The following ARMC9 variants were observed in gnomAD, a reference collection of about 807,000 sequenced individuals.
ARMC9 encodes the protein armadillo repeat containing 9, also known as lisH domain-containing protein ARMC9.
A neutral mutation model predicts 107.0 loss-of-function variants in ARMC9; 94 were observed. The ratio of observed to expected loss-of-function variants is 0.88; its 90% confidence interval spans 0.74 to 1.04. The LOEUF (loss-of-function observed/expected upper bound fraction) is 1.04, where lower values mean the gene tolerates loss of function less well. Among genes scored for constraint, ARMC9 ranks in the 50% least tolerant of loss-of-function variants. ARMC9 has a pLI of 0.00. For missense variants in ARMC9, 942 were observed against 1,030.1 expected (o/e 0.91, Z 1.17); for synonymous variants, 380 against 396.9 (o/e 0.96, Z 0.51).
intron 8 of ARMC9, among the ~76,000 whole-genome samples, chr2:231,236,120 G>A (rs1035875902): frequency 2.0e-5 from 3 of 152,050 alleles, no homozygotes; most frequent in African/African-American, 7.2e-5. Flanking sequence ...AGGATAAATT[G>A]TCTGGCAACA....
intron 20 of ARMC9, among the ~76,000 whole-genome samples, chr2:231,342,343 A>T (rs1353547680): frequency 6.6e-6 from 1 of 152,228 alleles, no homozygotes; most frequent in Non-Finnish European, 1.5e-5. Flanking sequence ...AGGTTTCTGT[A>T]GTTTAAGGAG....
chr2:231,246,143 GCT>G (rs2036743106), intron 9 of ARMC9, among the ~76,000 whole-genome samples: 1 of 152,094 alleles, frequency 6.6e-6, no homozygotes, highest in Non-Finnish European at 1.5e-5. Flanking sequence ...GAGAATTAAT[GCT>G]CTTTTTCTTC....
In ARMC9 at chr2:231,331,832, G is replaced by A. The variant is rs750055606; in HGVS notation, c.1813G>A (p.Glu605Lys). The change falls in exon 20 of 25, where the codon GAA (glutamate) becomes AAA (lysine). Residue 605 changes from glutamate (E) to lysine (K), a missense_variant. Physicochemically the swap from Glu to Lys is moderately conservative, Grantham distance 56. Coordinates refer to ENST00000611582, the MANE Select transcript of ARMC9 (RefSeq NM_001352754.2). Reference sequence around the variant, plus strand: ...CATGGAAGCCGATCTGGACAAAGACGAACTGATCCAGCCCCAGCTCGGAGA... The same window carrying A: ...CATGGAAGCCGATCTGGACAAAGACAAACTGATCCAGCCCCAGCTCGGAGA... ...DIMEADLDKD[E>K]LIQPQLGELS... is the part of the protein sequence containing the mutation. 5.6e-6 allele frequency: 9 copies of A among 1,614,044 alleles called. No individual in the cohort carries two copies. Among genetic ancestry groups the A allele is most frequent in the South Asian group, 3.3e-5 (3 of 91,056 alleles).
chr2:231,310,779 G>A (rs2042302994), intron 19 of ARMC9, among the ~76,000 whole-genome samples: 1 of 151,822 alleles, frequency 6.6e-6, no homozygotes, highest in South Asian at 2.1e-4. Flanking sequence ...TCTGCTGCTA[G>A]GGGCAGTCCA....
chr2:231,222,139 G>A (rs535010700), intron 5 of ARMC9, among the ~76,000 whole-genome samples: 1 of 152,206 alleles, frequency 6.6e-6, no homozygotes, highest in South Asian at 2.1e-4. Flanking sequence ...TACTTGTTAT[G>A]TTTTTTCTTA....
At chr2:231,364,266 C>T (rs969603954) in intron 23 of ARMC9, among the ~76,000 whole-genome samples, 11 of 152,232 alleles carry the variant, frequency 7.2e-5, no homozygotes, top group African/African-American at 2.4e-4. Context: ...TTCACCTCCA[C>T]GTGGCCTGAG....
intron 22 of ARMC9, among the ~76,000 whole-genome samples, chr2:231,357,675 C>T (rs2045398960): frequency 6.6e-6 from 1 of 152,190 alleles, no homozygotes; most frequent in Non-Finnish European, 1.5e-5. Flanking sequence ...CATTCCTAAG[C>T]GATCCTCCCG....
intron 19 of ARMC9, among the ~76,000 whole-genome samples, chr2:231,318,604 C>CT (rs1372007105): frequency 6.6e-6 from 1 of 152,178 alleles, no homozygotes; most frequent in Non-Finnish European, 1.5e-5. Flanking sequence ...GTGTCACTGC[C>CT]TACGATGGGA....
At chr2:231,315,995 T>G (rs1405495190) in intron 19 of ARMC9, among the ~76,000 whole-genome samples, 1 of 152,244 alleles carries the variant, frequency 6.6e-6, no homozygotes, top group Non-Finnish European at 1.5e-5. Context: ...TACTTTGAGT[T>G]AATACTGATT....
chr2:231,281,935 A>C, intron 16 of ARMC9, 124 bp from the exon 17 acceptor site: 1 of 835,098 alleles, frequency 1.2e-6, no homozygotes, highest in Non-Finnish European at 2.0e-6. Context: ...AGCACAGGAG[A>C]GCTGCGAGGA....
At chr2:231,292,917 C>G (rs535774546) in intron 18 of ARMC9, among the ~76,000 whole-genome samples, 91 of 152,228 alleles carry the variant, frequency 6.0e-4, no homozygotes, top group Non-Finnish European at 8.4e-4. Flanking sequence ...AAGACTGTAC[C>G]CCACACAAAT....
chr2:231,276,090 A>T (rs2039724836), intron 14 of ARMC9, among the ~76,000 whole-genome samples: 1 of 152,234 alleles, frequency 6.6e-6, no homozygotes, highest in Non-Finnish European at 1.5e-5. Context: ...AAATATTGAA[A>T]AGGAAACTTT....
Position 231,236,024 on chromosome 2 carries a change from T to C in ARMC9, c.780+643T>C, listed in dbSNP as rs1006770920. On this transcript the variant is annotated intron_variant, in intron 8 of 24. Transcript: ENST00000611582. Reference sequence around the variant, plus strand: ...CTGATTTTGAACACCTGGGCTCAAGTGATCCTCCCACCTTGGCGTCCCAAA... The same window carrying C: ...CTGATTTTGAACACCTGGGCTCAAGCGATCCTCCCACCTTGGCGTCCCAAA... 4.6e-5 allele frequency among the ~76,000 whole-genome samples: 7 copies of C among 152,304 alleles called. No homozygotes were observed. The East Asian group carries it at 7.7e-4, about 17-fold the overall frequency.
At chr2:231,342,906 C>T (rs2044602424) in intron 20 of ARMC9, among the ~76,000 whole-genome samples, 2 of 151,866 alleles carry the variant, frequency 1.3e-5, no homozygotes, top group Admixed American at 6.6e-5. Context: ...ACCTCCTAGT[C>T]AGGGCAGGGT....
At chr2:231,327,802 T>G (rs1461185738) in intron 19 of ARMC9, among the ~76,000 whole-genome samples, 1 of 152,202 alleles carries the variant, frequency 6.6e-6, no homozygotes, top group Non-Finnish European at 1.5e-5. Context: ...TGGTTTTTTT[T>G]GACACTGAGT....
chr2:231,370,889 C>A (rs564745022), intron 24 of ARMC9, among the ~76,000 whole-genome samples: 1 of 152,244 alleles, frequency 6.6e-6, no homozygotes. Flanking sequence ...TTAGGATATG[C>A]GCATTTCTTT....
Position 231,370,024 on chromosome 2 carries a change from C to T in ARMC9, c.2333C>T (p.Pro778Leu). The change falls in exon 24 of 25, where the codon CCC becomes CTC. Residue 778 changes from proline (P) to leucine (L), a missense_variant. By Grantham distance (98) the Pro-to-Leu change is moderately conservative (BLOSUM62 -3). Coordinates refer to ENST00000611582, the MANE Select transcript of ARMC9 (RefSeq NM_001352754.2). ...CTPEMLDWNP[P>L]KAKASVLAPL... ...CCAGAGATGCTGGACTGGAACCCAC[C>T]CAAGGCAAAGGCGTCAGTTCTGGCC... 1 of 1,535,758 alleles carries T rather than the reference C, an allele frequency of 6.5e-7. No individual in the cohort carries two copies.
At chr2:231,350,488 G>A (rs960987533) in intron 21 of ARMC9, among the ~76,000 whole-genome samples, 9 of 151,758 alleles carry the variant, frequency 5.9e-5, no homozygotes, top group African/African-American at 2.2e-4. Flanking sequence ...CAGGCATGGT[G>A]GCTCACACCT....
intron 9 of ARMC9, among the ~76,000 whole-genome samples, chr2:231,241,532 G>C (rs6731682): frequency 0.31 from 47,694 of 151,924 alleles, 8,381 homozygotes; most frequent in African/African-American, 0.47. Context: ...TCCTGAGACA[G>C]CCCTGTGGGT....
Sources: allele counts gnomAD v4.1 joint callset (sites outside exome capture counted in the v4.1 genomes callset), GRCh38; gene constraint gnomAD v4.1.1; transcripts MANE v1.5; gene names NCBI Gene and HGNC (gene_info 2026-07-23, HGNC 2026-07-21).